ARSH: variants seen among roughly 807,000 people sequenced by gnomAD.
ARSH encodes the protein arylsulfatase H.
A neutral mutation model predicts 28.7 loss-of-function variants in ARSH; 32 were observed. The observed-to-expected ratio is 1.11, with a 90% CI of 0.84 to 1.50. ARSH has a LOEUF of 1.50. Among genes scored for constraint, ARSH ranks in the 40% most tolerant of loss-of-function variants. ARSH has a pLI of 0.00. For synonymous variants in ARSH, 176 were observed against 177.3 expected (o/e 0.99, Z 0.06); for missense variants, 440 against 452.4 (o/e 0.97, Z 0.25).
At chrX:3,012,262 G>A (rs1188533799) in intron 2 of ARSH, among the ~76,000 whole-genome samples, 1 of 108,323 alleles carries the variant, frequency 9.2e-6, no homozygotes, top group Non-Finnish European at 1.9e-5. Flanking sequence ...TGGAGGCCAG[G>A]CACGGTGGCT....
intron 5 of ARSH, 108 bp from the exon 6 acceptor site, chrX:3,023,913 A>T: frequency 2.2e-6 from 2 of 896,390 alleles, no homozygotes; most frequent in Non-Finnish European, 3.1e-6. Context: ...GTAGTGCAGA[A>T]TAACATTGAA....
In ARSH at chrX:3,033,291, A is replaced by G. The variant is rs1189951364; in HGVS notation, c.1595A>G (p.Asn532Ser). The change falls in exon 9 of 9, where the codon AAC (asparagine) becomes AGC (serine). Residue 532 changes from asparagine to serine, a missense_variant. By Grantham distance (46) the Asn-to-Ser change is conservative (BLOSUM62 1). Transcript: ENST00000381130. ...GTCCCACAGCAGTTCTCTGTGTTCA[A>G]CACAATTTGGAAACCATGGCTGCAG... is the stretch of plus-strand genomic sequence containing the variant. ...TPVPQQFSVF[N>S]TIWKPWLQPC... is the part of the protein sequence containing the mutation. 3 of 1,211,392 alleles carry G rather than the reference A, an allele frequency of 2.5e-6. No homozygotes were observed. Among genetic ancestry groups the G allele is most frequent in the Non-Finnish European group, 3.4e-6 (3 of 895,274 alleles).
At chrX:3,009,295 G>A (rs1183301719) in intron 1 of ARSH, among the ~76,000 whole-genome samples, 1 of 109,987 alleles carries the variant, frequency 9.1e-6, no homozygotes, top group African/African-American at 3.3e-5. Context: ...TGGCCAACAT[G>A]GTGACACCTC....
chrX:3,030,629 T>C (rs758838518), intron 8 of ARSH, among the ~76,000 whole-genome samples: 34 of 111,682 alleles, frequency 3.0e-4, no homozygotes, highest in African/African-American at 1.1e-3. Context: ...AAATGCCTTA[T>C]AAAACCATCA....
At chrX:3,009,873 C>T (rs901094792) in intron 1 of ARSH, among the ~76,000 whole-genome samples, 157 bp from the exon 2 acceptor site, 2 of 111,749 alleles carry the variant, frequency 1.8e-5, no homozygotes, top group African/African-American at 6.5e-5. Context: ...ACCATCAATG[C>T]ATATAAGGAA....
At chrX:3,019,358 C>T (rs2089875148) in intron 5 of ARSH, among the ~76,000 whole-genome samples, 1 of 109,998 alleles carries the variant, frequency 9.1e-6, no homozygotes, top group Non-Finnish European at 1.9e-5. Flanking sequence ...GTCAGTTCTA[C>T]AGGAAATACA....
At chrX:3,029,016 T>G (rs1483334824) in intron 7 of ARSH, among the ~76,000 whole-genome samples, 4 of 105,745 alleles carry the variant, frequency 3.8e-5, no homozygotes, top group African/African-American at 7.0e-5. Flanking sequence ...AGGCGGAGGT[T>G]GCAGTGAGCA....
At chrX:3,024,280 G>T in intron 6 of ARSH, 125 bp downstream of exon 6, 1 of 724,674 alleles carries the variant, frequency 1.4e-6, no homozygotes. Context: ...CTCTTATTAA[G>T]CTAGACCGAA....
intron 4 of ARSH, among the ~76,000 whole-genome samples, chrX:3,017,194 C>T (rs1446592284): frequency 9.0e-6 from 1 of 111,561 alleles, no homozygotes; most frequent in Non-Finnish European, 1.9e-5. Context: ...CAATCTCCAT[C>T]TCCTTCCCTT....
intron 5 of ARSH, among the ~76,000 whole-genome samples, chrX:3,023,716 A>G (rs1160512565): frequency 1.9e-5 from 2 of 107,476 alleles, no homozygotes; most frequent in Non-Finnish European, 3.8e-5. Flanking sequence ...ATATATAATA[A>G]ATATATAATT....
At chrX:3,025,907 G>A (rs2089897653) in intron 6 of ARSH, among the ~76,000 whole-genome samples, 1 of 110,868 alleles carries the variant, frequency 9.0e-6, no homozygotes, top group Non-Finnish European at 1.9e-5. Context: ...GAATAGGACT[G>A]GCAAAATTGT....
intron 2 of ARSH, among the ~76,000 whole-genome samples, chrX:3,010,446 C>T (rs1175018944): frequency 9.0e-6 from 1 of 111,318 alleles, no homozygotes; most frequent in African/African-American, 3.3e-5. Flanking sequence ...CTCAAGAGAC[C>T]CCTGATGTCT....
intron 3 of ARSH, among the ~76,000 whole-genome samples, chrX:3,014,500 T>C (rs766826797): frequency 9.0e-6 from 1 of 110,871 alleles, no homozygotes; most frequent in East Asian, 2.9e-4. Flanking sequence ...ATACATAAAA[T>C]CTCGGTTACC....
intron 8 of ARSH, among the ~76,000 whole-genome samples, chrX:3,030,492 A>G (rs752319348): frequency 2.7e-5 from 3 of 111,816 alleles, no homozygotes; most frequent in African/African-American, 9.7e-5. Context: ...AGACTGGGTA[A>G]TTTATAAAGG....
At chrX:3,028,119 G>A (rs913467479) in intron 7 of ARSH, among the ~76,000 whole-genome samples, 1 of 111,836 alleles carries the variant, frequency 8.9e-6, no homozygotes, top group Admixed American at 9.5e-5. Flanking sequence ...AAACAAAAAC[G>A]AAAACAAAAC....
intron 8 of ARSH, 61 bp from the exon 9 acceptor site, chrX:3,032,957 C>A: frequency 2.6e-6 from 3 of 1,133,949 alleles, no homozygotes; most frequent in Non-Finnish European, 1.2e-6. Context: ...ACATCTTTAA[C>A]GAAAAGAGTC....
chrX:3,015,219 T>C lies in ARSH; in HGVS notation c.590T>C (p.Ile197Thr), dbSNP rs1017553272. The C allele has an allele frequency of 1.7e-6, 2 of 1,209,115 alleles. No individual in the cohort carries two copies. The highest frequency in any genetic ancestry group is 3.5e-5 in the African/African-American group (2 of 57,080). The change falls in exon 4 of 9, where the codon ATC (isoleucine) becomes ACC (threonine). Residue 197 changes from isoleucine to threonine, a missense_variant. Coordinates refer to ENST00000381130, the MANE Select transcript of ARSH (RefSeq NM_001011719.2). ...TGGTTCTCAGTGCCATGGAAGGTCA[T>C]CTTTGTCTTTGCTCTCCTCGCCTTT... is the stretch of plus-strand genomic sequence containing the variant. ...ARWFSVPWKV[I>T]FVFALLAFLF...
Position 3,024,084 on chromosome X carries a change from C to A in ARSH, c.965C>A (p.Ser322Tyr), listed in dbSNP as rs936870059. ...AACCACACCTTGGTGTACTTCACCT[C>A]TGACAACGGGGGCCACCTGGAGCCC... The part of the protein sequence containing the change: ...LANHTLVYFT[S>Y]DNGGHLEPLD... Residue 322 changes from serine (S) to tyrosine (Y), a missense_variant, in exon 6 of 9, where the codon TCT (serine) becomes TAT (tyrosine). By Grantham distance (144) the Ser-to-Tyr change is moderately radical (BLOSUM62 -2). Transcript: ENST00000381130. 8 of 1,208,699 alleles carry A rather than the reference C, an allele frequency of 6.6e-6. No homozygotes were observed. In the Middle Eastern group the frequency reaches 6.9e-4, roughly 104 times the overall value.
At chrX:3,013,754 G>T (rs750769367) in intron 3 of ARSH, among the ~76,000 whole-genome samples, 1 of 110,772 alleles carries the variant, frequency 9.0e-6, no homozygotes, top group African/African-American at 3.3e-5. Context: ...TATTTTTGAG[G>T]ATTCCTAATG....
Sources: gnomAD v4.1 joint callset for allele counts (sites outside exome capture counted in the v4.1 genomes callset) on GRCh38, gnomAD v4.1.1 for gene constraint, MANE v1.5 for transcripts, NCBI Gene and HGNC (gene_info 2026-07-23, HGNC 2026-07-21) for gene names.